The following MED26 variants were observed in gnomAD, a reference collection of about 807,000 sequenced individuals.
MED26 encodes the protein mediator complex subunit 26, also known as mediator of RNA polymerase II transcription subunit 26.
In MED26, 7 loss-of-function variants were observed where a neutral mutation model predicts 43.7. That is an observed-to-expected ratio of 0.16 (90% CI 0.09 to 0.30). The LOEUF is 0.30. Among genes scored for constraint, MED26 ranks in the 10% least tolerant of loss-of-function variants. MED26 has a pLI of 1.00. For synonymous variants in MED26, 375 were observed against 371.1 expected, an observed-to-expected ratio of 1.01 and a Z score of -0.12; for missense variants, 784 against 840.6, an observed-to-expected ratio of 0.93 and a Z score of 0.83.
At chr19:16,611,719 T>C (rs1254751730) in intron 1 of MED26, 3 of 152,134 alleles carry the variant, frequency 2.0e-5, no homozygotes, top group Non-Finnish European at 2.9e-5. Flanking sequence ...TGCCCATTTT[T>C]CTATAGAGCC....
intron 1 of MED26, among the ~76,000 whole-genome samples, chr19:16,626,997 G>A (rs2086280550): frequency 7.6e-6 from 1 of 132,426 alleles, no homozygotes; most frequent in South Asian, 2.4e-4. Context: ...AGTAGCCTCA[G>A]CAAAGGGGCA....
At chr19:16,582,806 G>A (rs1199219440) in intron 1 of MED26, among the ~76,000 whole-genome samples, 1 of 152,232 alleles carries the variant, frequency 6.6e-6, no homozygotes, top group Admixed American at 6.5e-5. Flanking sequence ...CTGGAAAGCA[G>A]AAAAGAGCTG....
chr19:16,599,783 G>A (rs1404903748), intron 1 of MED26, among the ~76,000 whole-genome samples: 3 of 152,070 alleles, frequency 2.0e-5, no homozygotes, highest in East Asian at 3.9e-4. Flanking sequence ...ACCCTGCAGC[G>A]CAGCTGGGCA....
chr19:16,577,147 G>C lies in MED26; in HGVS notation c.683C>G (p.Pro228Arg), dbSNP rs750096948. The change falls in exon 3 of 3, where the codon CCG (proline) becomes CGG (arginine). Residue 228 changes from proline (P) to arginine (R), a missense_variant. Physicochemically the swap from Pro to Arg is moderately radical, Grantham distance 103. Transcript: ENST00000263390. This position sits in a 1 kb window ranked among gnomAD's most constrained non-coding sequence, Gnocchi z 8.1. ...SGKIPVNAVR[P>R]HTSSPGLGKP... ...GCCCAGGCCCGGGGAGCTGGTGTGC[G>C]GTCGCACGGCGTTGACGGGGATCTT... The C allele has an allele frequency of 1.9e-6, 3 of 1,613,282 alleles. No individual in the cohort carries two copies. The Admixed American group carries it at 5.0e-5, about 27-fold the overall frequency.
At chr19:16,584,196 T>C (rs551106606) in intron 1 of MED26, among the ~76,000 whole-genome samples, 9 of 149,498 alleles carry the variant, frequency 6.0e-5, no homozygotes, top group African/African-American at 2.2e-4. Flanking sequence ...GAGGTTGCAA[T>C]GAGCTGAGAT....
intron 1 of MED26, among the ~76,000 whole-genome samples, chr19:16,592,126 T>C (rs2086100541): frequency 6.6e-6 from 1 of 152,190 alleles, no homozygotes. Context: ...CCCTGACCCC[T>C]ACTTCTGTGG....
intron 1 of MED26, among the ~76,000 whole-genome samples, chr19:16,627,397 G>T (rs969865217): frequency 6.6e-6 from 1 of 152,188 alleles, no homozygotes; most frequent in Non-Finnish European, 1.5e-5. Context: ...AGAGGAGGGG[G>T]AAGAAGGACT....
chr19:16,580,034 T>A (rs1397906385), intron 1 of MED26, among the ~76,000 whole-genome samples: 11 of 152,260 alleles, frequency 7.2e-5, no homozygotes, highest in Admixed American at 7.2e-4. Context: ...CCGTCCGCCA[T>A]TACAAAATAA....
At position 16,627,967 on chromosome 19, in the gene MED26, C is replaced by T. The variant is rs1197412765; in HGVS notation, c.-24G>A. 2.8e-6 allele frequency: 4 copies of T among 1,420,962 alleles called. No homozygotes were observed. In the East Asian group the frequency reaches 9.1e-5, roughly 32 times the overall value. 88.0% of individuals were successfully genotyped at this position (1,420,962 alleles called of 1,614,324 possible). On this transcript the variant is annotated 5_prime_UTR_variant, in exon 1 of 3. Transcript: ENST00000263390. ...ATTGCCTGGGCGAGGCGGGGGGTTG[C>T]GGCCGGGCCAGCGGGCGGGCGGGCT...
intron 1 of MED26, among the ~76,000 whole-genome samples, chr19:16,625,100 G>A (rs2086268386): frequency 6.6e-6 from 1 of 152,174 alleles, no homozygotes; most frequent in Non-Finnish European, 1.5e-5. Flanking sequence ...GCGCTTCGGA[G>A]AGATTTTCAA....
intron 1 of MED26, among the ~76,000 whole-genome samples, chr19:16,585,858 A>G (rs79920477): frequency 0.018 from 2,686 of 152,288 alleles, 42 homozygotes; most frequent in Non-Finnish European, 0.028. Flanking sequence ...TCTGAGTGCA[A>G]AGCTGGGGCC....
At chr19:16,590,693 A>C (rs150566893) in intron 1 of MED26, among the ~76,000 whole-genome samples, 1 of 152,270 alleles carries the variant, frequency 6.6e-6, no homozygotes, top group East Asian at 1.9e-4. Context: ...AAATTTATCA[A>C]ATTATATACT....
chr19:16,612,499 T>C (rs1047435070), intron 1 of MED26, among the ~76,000 whole-genome samples: 2 of 152,142 alleles, frequency 1.3e-5, no homozygotes, highest in African/African-American at 4.8e-5. Flanking sequence ...TTGCCAAGGT[T>C]GGTCTCAAAC....
At position 16,576,946 on chromosome 19, in the gene MED26, C is replaced by T; in HGVS notation, c.884G>A (p.Gly295Asp). 6.3e-7 allele frequency: 1 copy of T among 1,596,072 alleles called. No individual in the cohort carries two copies. The highest frequency in any genetic ancestry group is 8.6e-7 in the Non-Finnish European group (1 of 1,169,434). The change falls in exon 3 of 3, where the codon GGC (glycine) becomes GAC (aspartate). Residue 295 changes from glycine to aspartate, a missense_variant. Gly to Asp is a moderately conservative substitution (Grantham distance 94, BLOSUM62 -1). Around this residue, in one of 3 missense-constraint regions of MED26, gnomAD observed 719 missense variants for 730.9 expected, o/e 0.98. Transcript: ENST00000263390. This position sits in a 1 kb window ranked among gnomAD's most constrained non-coding sequence, Gnocchi z 6.8. ...ARQQSLYAPK[G>D]SVPSPSPRPQ... ...CCGCGGTGAGGGGCTGGGCACGGAG[C>T]CCTTGGGTGCATACAAGCTCTGCTG...
At chr19:16,589,454 ACTG>A (rs1193130877) in intron 1 of MED26, 1 of 152,228 alleles carries the variant, frequency 6.6e-6, no homozygotes, top group Non-Finnish European at 1.5e-5. Flanking sequence ...GGATGAACAA[ACTG>A]CTGCTACACA....
At chr19:16,625,592 G>C (rs1016035197) in intron 1 of MED26, among the ~76,000 whole-genome samples, 1 of 151,226 alleles carries the variant, frequency 6.6e-6, no homozygotes, top group African/African-American at 2.4e-5. Context: ...TAAATATCCA[G>C]TAGTGGAGTT....
At chr19:16,623,495 G>C (rs1241173735) in intron 1 of MED26, among the ~76,000 whole-genome samples, 1 of 152,232 alleles carries the variant, frequency 6.6e-6, no homozygotes, top group East Asian at 1.9e-4. Flanking sequence ...AGAGCAAACT[G>C]GTCACACAGA....
intron 1 of MED26, among the ~76,000 whole-genome samples, chr19:16,595,225 C>A (rs964035406): frequency 1.1e-4 from 16 of 152,188 alleles, no homozygotes; most frequent in African/African-American, 3.9e-4. Context: ...CAGCCCTCCT[C>A]AAACCCAACT....
chr19:16,598,363 A>G (rs1252802016), intron 1 of MED26, among the ~76,000 whole-genome samples: 2 of 117,308 alleles, frequency 1.7e-5, no homozygotes, highest in African/African-American at 6.1e-5. Context: ...AAAAAAAATT[A>G]CCTCCCTGGA....
Sources: allele counts gnomAD v4.1 joint callset (sites outside exome capture counted in the v4.1 genomes callset), GRCh38; gene constraint gnomAD v4.1.1; regional missense constraint gnomAD v4.1.1; non-coding constraint Gnocchi (gnomAD v3.1); transcripts MANE v1.5; gene names NCBI Gene and HGNC (gene_info 2026-07-23, HGNC 2026-07-21).